The following F8 variants were observed in gnomAD, a reference collection of about 807,000 sequenced individuals.
F8 encodes antihemophilic factor.
Under a neutral mutation model 140.6 loss-of-function variants are expected in F8, and 12 were observed. That is an observed-to-expected ratio of 0.09 (90% CI 0.05 to 0.14). F8 has a LOEUF of 0.14. Ranked by LOEUF, F8 falls within the 10% of genes least tolerant of loss-of-function variation. F8 has a pLI of 1.00. For missense variants in F8, 1,354 were observed against 1,720.7 expected (o/e 0.79, Z 3.77); for synonymous variants, 585 against 614.6 (o/e 0.95, Z 0.71).
intron 22 of F8, among the ~76,000 whole-genome samples, chrX:154,893,728 ATAACAT>A (rs1457233184): frequency 1.3e-4 from 14 of 111,784 alleles, no homozygotes; most frequent in Non-Finnish European, 2.6e-4. Flanking sequence ...TTACTCTGGC[ATAACAT>A]TATGAGACAA....
intron 23 of F8, among the ~76,000 whole-genome samples, chrX:154,862,146 C>A (rs1230802196): frequency 9.0e-6 from 1 of 111,113 alleles, no homozygotes; most frequent in African/African-American, 3.3e-5. Flanking sequence ...CTTGCCTCAG[C>A]CTCCCGAGTA....
In F8 at chrX:154,837,586, A is replaced by C. The variant is rs1557271031; in HGVS notation, c.*11T>G. 6 of 1,188,233 alleles carry C rather than the reference A, an allele frequency of 5.0e-6. No homozygotes were observed. The highest frequency in any genetic ancestry group is 6.8e-6 in the Non-Finnish European group (6 of 883,654). ...AGGTGACGGCAGTGGCAGGTGCTGC[A>C]GTGGCCACCCTCAGTAGAGGTCCTG... On this transcript the variant is annotated 3_prime_UTR_variant, in exon 26 of 26. Transcript: ENST00000360256.
Position 154,837,143 on chromosome X carries a change from T to G in F8, c.*454A>C, listed in dbSNP as rs1195401423. The stretch of plus-strand genomic sequence containing the variant: ...TATTGATCTGATCCTGAAACATGCT[T>G]TGTTCCATGCTTGATCAGGATAATA... On this transcript the variant is annotated 3_prime_UTR_variant, in exon 26 of 26. Transcript: ENST00000360256. 6.5e-6 allele frequency: 1 copy of G among 153,836 alleles called. No individual in the cohort carries two copies. The highest frequency in any genetic ancestry group is 1.3e-5 in the Non-Finnish European group (1 of 77,887). The allele number at this position is 153,836 out of a possible 1,213,427, so 12.7% of individuals were successfully genotyped here.
At chrX:154,924,958 CTTT>C (rs1245976958) in intron 14 of F8, among the ~76,000 whole-genome samples, 1 of 112,082 alleles carries the variant, frequency 8.9e-6, no homozygotes, top group Non-Finnish European at 1.9e-5. Flanking sequence ...CATGAAACAA[CTTT>C]TTCCTCTTAG....
chrX:154,966,262 C>T, intron 8 of F8, 121 bp from the exon 9 acceptor site: 1 of 909,925 alleles, frequency 1.1e-6, no homozygotes. Flanking sequence ...ACAAGCTTCT[C>T]TGATGCTCAG....
chrX:154,942,563 T>A (rs1179693450), intron 13 of F8, among the ~76,000 whole-genome samples: 1 of 111,584 alleles, frequency 9.0e-6, no homozygotes, highest in African/African-American at 3.3e-5. Context: ...ACCAGATGGA[T>A]TCACAGCCAA....
At chrX:154,963,045 C>T (rs979388343) in intron 9 of F8, among the ~76,000 whole-genome samples, 1 of 111,787 alleles carries the variant, frequency 8.9e-6, no homozygotes, top group Non-Finnish European at 1.9e-5. Flanking sequence ...TGTCTTAAAA[C>T]CCAGTCATTC....
intron 9 of F8, among the ~76,000 whole-genome samples, chrX:154,963,580 C>A (rs1315683253): frequency 9.0e-6 from 1 of 111,564 alleles, no homozygotes; most frequent in African/African-American, 3.3e-5. Flanking sequence ...AATGGGATGG[C>A]TGGGTCAAAT....
chrX:154,925,572 A>T (rs781839492), intron 14 of F8, among the ~76,000 whole-genome samples: 1 of 112,831 alleles, frequency 8.9e-6, no homozygotes, highest in African/African-American at 3.2e-5. Flanking sequence ...TTGCATCAGC[A>T]TGACTCAGAT....
chrX:154,948,972 T>C (rs1405431977), intron 12 of F8, among the ~76,000 whole-genome samples: 1 of 111,962 alleles, frequency 8.9e-6, no homozygotes, highest in South Asian at 3.7e-4. Context: ...GGAAACTTAA[T>C]ATATAATAAG....
intron 1 of F8, among the ~76,000 whole-genome samples, chrX:155,000,618 C>G (rs1367839793): frequency 2.7e-5 from 3 of 109,364 alleles, no homozygotes; most frequent in Non-Finnish European, 5.8e-5. Context: ...ATGTGTAGAT[C>G]TAAAATTGAG....
intron 22 of F8, among the ~76,000 whole-genome samples, chrX:154,864,593 C>T (rs1179254242): frequency 8.9e-6 from 1 of 112,245 alleles, no homozygotes; most frequent in Non-Finnish European, 1.9e-5. Flanking sequence ...GAAAACAATA[C>T]ATGAACAACA....
In F8 at chrX:154,929,628, G is replaced by T. The variant is rs782040142; in HGVS notation, c.4162C>A (p.Pro1388Thr). The T allele has an allele frequency of 1.1e-5, 13 of 1,211,001 alleles. No individual in the cohort carries two copies. The highest frequency in any genetic ancestry group is 1.5e-5 in the Non-Finnish European group (13 of 894,932). Reference protein sequence around the residue: ...EKEKGAITQSPLSDCLTRSHS... With the variant: ...EKEKGAITQSTLSDCLTRSHS... ...CTCCTCGTAAGGCAATCTGATAAGG[G>T]AGACTGAGTAATGGCCCCTTTCTCC... The change falls in exon 14 of 26, where the codon CCC becomes ACC. Residue 1388 changes from proline to threonine, a missense_variant. Coordinates refer to ENST00000360256, the MANE Select transcript of F8 (RefSeq NM_000132.4).
At chrX:154,981,071 G>A (rs958917129) in intron 6 of F8, among the ~76,000 whole-genome samples, 5 of 111,959 alleles carry the variant, frequency 4.5e-5, no homozygotes, top group Non-Finnish European at 9.4e-5. Flanking sequence ...CTAATTAGTG[G>A]AGATCCACAG....
intron 1 of F8, among the ~76,000 whole-genome samples, chrX:155,018,964 T>G (rs2073747660): frequency 1.8e-5 from 2 of 112,310 alleles, no homozygotes; most frequent in Admixed American, 1.9e-4. Context: ...TTTATTATTA[T>G]TAGTAGGTTG....
At chrX:155,003,729 C>A (rs1376463401) in intron 1 of F8, among the ~76,000 whole-genome samples, 1 of 110,703 alleles carries the variant, frequency 9.0e-6, no homozygotes, top group Non-Finnish European at 1.9e-5. Flanking sequence ...GAGGCCGAGG[C>A]GGGCAGATCA....
intron 6 of F8, among the ~76,000 whole-genome samples, chrX:154,972,071 A>G (rs2073459129): frequency 8.9e-6 from 1 of 112,129 alleles, no homozygotes. Context: ...AATATGATAG[A>G]TCTATTTTTA....
intron 13 of F8, among the ~76,000 whole-genome samples, chrX:154,944,118 TC>T (rs1350608284): frequency 1.8e-5 from 2 of 111,568 alleles, no homozygotes; most frequent in Non-Finnish European, 3.8e-5. Context: ...TGCAAGGACT[TC>T]ATGTCTAAAA....
rs892958086 is a variant in F8 at position 154,914,496 on chromosome X, T to C, written c.5220-7923A>G. On this transcript the variant is annotated intron_variant, in intron 14 of 25. Coordinates refer to ENST00000360256, the MANE Select transcript of F8 (RefSeq NM_000132.4). ...TGTCACTCTGGAATGCTTTGTTGCT[T>C]AGAAATTTCTTCTGCCAGATACCCC... Among the ~76,000 whole-genome samples, 19 of 112,424 alleles carry C rather than the reference T, an allele frequency of 1.7e-4. No homozygotes were observed. In the Admixed American group the frequency reaches 1.8e-3, roughly 11 times the overall value.
Sources: gnomAD v4.1 joint callset for allele counts (sites outside exome capture counted in the v4.1 genomes callset) on GRCh38, gnomAD v4.1.1 for gene constraint, MANE v1.5 for transcripts, NCBI Gene and HGNC (gene_info 2026-07-23, HGNC 2026-07-21) for gene names.